LARGE1: variants seen among roughly 807,000 people sequenced by gnomAD.
LARGE1 encodes LARGE xylosyl- and glucuronyltransferase 1.
Under a neutral mutation model 87.6 loss-of-function variants are expected in LARGE1, and 43 were observed. The observed-to-expected ratio is 0.49, with a 90% CI of 0.38 to 0.63. LARGE1 has a LOEUF of 0.63. LARGE1 is among the 30% of genes least tolerant of loss of function. The pLI is 0.00. For missense variants in LARGE1, 802 were observed against 1,000.2 expected, an observed-to-expected ratio of 0.80 and a Z score of 2.67; for synonymous variants, 434 against 394.6, an observed-to-expected ratio of 1.10 and a Z score of -1.18.
intron 11 of LARGE1, among the ~76,000 whole-genome samples, chr22:33,255,361 ACAG>A (rs1015969461): frequency 6.6e-6 from 1 of 152,206 alleles, no homozygotes; most frequent in Non-Finnish European, 1.5e-5. Flanking sequence ...GCAGACTAAA[ACAG>A]CAGGAAAAAT....
intron 6 of LARGE1, among the ~76,000 whole-genome samples, chr22:33,515,201 C>T (rs866056384): frequency 1.3e-5 from 2 of 152,058 alleles, no homozygotes; most frequent in South Asian, 4.2e-4. Flanking sequence ...AGCTCTTGAC[C>T]CCAAAGCCAC....
intron 6 of LARGE1, among the ~76,000 whole-genome samples, chr22:33,547,456 C>T (rs1272498110): frequency 6.6e-6 from 1 of 152,154 alleles, no homozygotes; most frequent in Non-Finnish European, 1.5e-5. Context: ...ACAGACCACA[C>T]CGGTCTGGCG....
rs372765409 is a variant in LARGE1 at position 33,372,741 on chromosome 22, A to G, written c.1131+9178T>C. Among the ~76,000 whole-genome samples, 33 of 152,294 alleles carry G rather than the reference A, an allele frequency of 2.2e-4. No homozygotes were observed. In the South Asian group the frequency reaches 6.8e-3, roughly 32 times the overall value. ...ATCATATCACAAAGTATACCAAAATAAGATGTGTTTTGATGAATGAAATTA... is the reference window on the plus strand; with the variant it reads ...ATCATATCACAAAGTATACCAAAATGAGATGTGTTTTGATGAATGAAATTA... On this transcript the variant is annotated intron_variant, in intron 9 of 14. Transcript: ENST00000397394.
At chr22:33,332,314 T>C (rs1985748) in intron 10 of LARGE1, among the ~76,000 whole-genome samples, 75,659 of 151,998 alleles carry the variant, frequency 0.5, 20,720 homozygotes, top group East Asian at 0.65. Context: ...CCCTTTCACT[T>C]GGTTCTCATT....
rs997188465 is a variant in LARGE1 at position 33,344,737 on chromosome 22, G to T, written c.1132-6936C>A. On this transcript the variant is annotated intron_variant, in intron 9 of 14. Coordinates refer to ENST00000397394, the MANE Select transcript of LARGE1 (RefSeq NM_133642.5). ...AGAATCACCCATCATTGTTGGCTTG[G>T]GGGCAGCAAGCTGGTGACTGCTAAA... Among the ~76,000 whole-genome samples the T allele has an allele frequency of 1.3e-5, 2 of 149,908 alleles. 1 individual carries two copies. Among genetic ancestry groups the T allele is most frequent in the Non-Finnish European group, 3.0e-5 (2 of 67,292 alleles).
At chr22:33,228,140 C>T (rs1307992557) in intron 11 of LARGE1, among the ~76,000 whole-genome samples, 3 of 152,206 alleles carry the variant, frequency 2.0e-5, no homozygotes, top group African/African-American at 7.2e-5. Flanking sequence ...TCTCTCTGTG[C>T]TTCAGTTCTT....
intron 2 of LARGE1, among the ~76,000 whole-genome samples, chr22:33,651,323 CG>C (rs1569343178): frequency 7.9e-6 from 1 of 127,232 alleles, no homozygotes; most frequent in Non-Finnish European, 1.6e-5. Context: ...ACCCGGGAGG[CG>C]GAGCTTGCAG....
chr22:33,277,106 C>G lies in LARGE1; in HGVS notation c.2027G>C (p.Gly676Ala). Residue 676 changes from glycine (G) to alanine (A), a missense_variant, in exon 14 of 15, where the codon GGC becomes GCC. This residue lies in a region of LARGE1 where 625 missense variants were observed against 841.9 expected (regional missense o/e 0.74). Coordinates refer to ENST00000397394, the MANE Select transcript of LARGE1 (RefSeq NM_133642.5). Reference sequence around the variant, plus strand: ...ATGAGCCACTTTGTTCCAGCCAAAGCCTACAAACCTCCGGTCGTACTCCGG... The same window carrying G: ...ATGAGCCACTTTGTTCCAGCCAAAGGCTACAAACCTCCGGTCGTACTCCGG... Reference protein sequence around the residue: ...DCPEYDRRFVGFGWNKVAHIM... With the variant: ...DCPEYDRRFVAFGWNKVAHIM... 6.2e-7 allele frequency: 1 copy of G among 1,614,240 alleles called. No homozygotes were observed. The highest frequency in any genetic ancestry group is 8.5e-7 in the Non-Finnish European group (1 of 1,180,034).
chr22:33,427,659 GA>G (rs1308502710), intron 7 of LARGE1, among the ~76,000 whole-genome samples: 1 of 152,226 alleles, frequency 6.6e-6, no homozygotes, highest in Admixed American at 6.5e-5. Flanking sequence ...TGAATTAGCT[GA>G]AAAGAGTTAT....
At chr22:33,300,662 C>A (rs1405113986) in intron 12 of LARGE1, among the ~76,000 whole-genome samples, 3 of 152,170 alleles carry the variant, frequency 2.0e-5, no homozygotes, top group Non-Finnish European at 4.4e-5. Context: ...CTGCCTCAGC[C>A]TCCCTAGTAG....
intron 6 of LARGE1, among the ~76,000 whole-genome samples, chr22:33,501,738 T>TG (rs1325150418): frequency 1.3e-5 from 2 of 152,172 alleles, no homozygotes; most frequent in East Asian, 3.9e-4. Flanking sequence ...AGGCATGATG[T>TG]GGGTGATGCC....
chr22:33,886,861 C>A (rs574292959), intron 1 of LARGE1, among the ~76,000 whole-genome samples: 6 of 152,234 alleles, frequency 3.9e-5, no homozygotes, highest in South Asian at 4.1e-4. Context: ...CAAAAAGACA[C>A]CCCTGGCTCT....
At chr22:33,096,566 G>GTT in the LARGE1 span, among the ~76,000 whole-genome samples, 17 of 107,916 alleles carry the variant, frequency 1.6e-4, no homozygotes, top group South Asian at 2.8e-4. Context: ...TTTTGTTTTT[G>GTT]TTTTTTTTTT....
the LARGE1 span, among the ~76,000 whole-genome samples, chr22:33,092,649 G>A: frequency 7.5e-6 from 1 of 133,148 alleles, no homozygotes; most frequent in Non-Finnish European, 1.6e-5. Flanking sequence ...AGAGGCCCCA[G>A]TATGTGTTGT....
chr22:33,117,074 C>T, the LARGE1 span, among the ~76,000 whole-genome samples: 2 of 152,210 alleles, frequency 1.3e-5, no homozygotes, highest in Non-Finnish European at 2.9e-5. Flanking sequence ...AGAGGCCTCT[C>T]TGAGTCTCAT....
intron 1 of LARGE1, among the ~76,000 whole-genome samples, chr22:33,779,478 T>C (rs767739353): frequency 2.0e-5 from 3 of 152,092 alleles, no homozygotes; most frequent in Non-Finnish European, 2.9e-5. Flanking sequence ...TAGCGACAGT[T>C]TGATCATTTT....
At chr22:33,381,874 G>A (rs1434514651) in intron 9 of LARGE1, 45 bp downstream of exon 9, 8 of 1,612,656 alleles carry the variant, frequency 5.0e-6, no homozygotes, top group East Asian at 2.2e-5. Flanking sequence ...GGTCCTCTCG[G>A]CCCACCTCAC....
chr22:33,330,318 TA>T (rs1937584120), intron 10 of LARGE1, among the ~76,000 whole-genome samples: 2 of 152,082 alleles, frequency 1.3e-5, no homozygotes, highest in South Asian at 4.2e-4. Flanking sequence ...TTTATAAATT[TA>T]ATTTAATTTA....
chr22:33,141,201 C>T, the LARGE1 span, among the ~76,000 whole-genome samples: 3 of 150,324 alleles, frequency 2.0e-5, no homozygotes, highest in Admixed American at 2.0e-4. Context: ...CTCTCACACA[C>T]ACACACACAC....
Sources: gnomAD v4.1 joint callset for allele counts (sites outside exome capture counted in the v4.1 genomes callset) on GRCh38, gnomAD v4.1.1 for gene constraint, gnomAD v4.1.1 regional missense constraint, MANE v1.5 for transcripts, NCBI Gene and HGNC (gene_info 2026-07-23, HGNC 2026-07-21) for gene names.